DSC3: variants seen among roughly 807,000 people sequenced by gnomAD.
The protein encoded by DSC3 is desmocollin-3.
DSC3 carries 97 observed loss-of-function variants against 89.5 expected under a neutral mutation model. That is an observed-to-expected ratio of 1.08 (90% CI 0.92 to 1.28). DSC3 has a LOEUF of 1.28. DSC3 is among the 50% of genes most tolerant of loss of function. DSC3 has a pLI of 0.00. For missense variants in DSC3, 1,199 were observed against 1,085.3 expected (o/e 1.10, Z -1.47); for synonymous variants, 436 against 384.1 (o/e 1.14, Z -1.58).
At chr18:31,027,827 T>G (rs987808843) in intron 4 of DSC3, among the ~76,000 whole-genome samples, 1 of 152,122 alleles carries the variant, frequency 6.6e-6, no homozygotes. Flanking sequence ...TGAAAACTCT[T>G]TAATAAATGG....
At position 31,042,713 on chromosome 18, in the gene DSC3, C is replaced by A. The variant is rs1401897841; in HGVS notation, c.-53G>T. On this transcript the variant is annotated 5_prime_UTR_variant, in exon 1 of 16. Transcript: ENST00000360428. ...GCGGGCGCCGGGAGGGTGCCGAGAG[C>A]GAGACCTGCCGAGGTGCAGGGCGCG... 5 of 1,497,458 alleles carry A rather than the reference C, an allele frequency of 3.3e-6. No individual in the cohort carries two copies. The highest frequency in any genetic ancestry group is 4.5e-6 in the Non-Finnish European group (5 of 1,106,026). The allele number at this position is 1,497,458 out of a possible 1,614,324, so 92.8% of individuals were successfully genotyped here.
intron 7 of DSC3, among the ~76,000 whole-genome samples, chr18:31,020,074 G>T (rs925243024): frequency 8.5e-5 from 13 of 152,154 alleles, no homozygotes; most frequent in African/African-American, 3.1e-4. Context: ...ACTGAGTTTT[G>T]CTTTGCATAT....
chr18:30,994,549 T>A, intron 15 of DSC3, 177 bp from the exon 16 acceptor site: 1 of 1,403,250 alleles, frequency 7.1e-7, no homozygotes, highest in Non-Finnish European at 9.9e-7. Context: ...TACCATAAAG[T>A]CAGTATAGTT....
Position 31,024,564 on chromosome 18 carries a change from C to A in DSC3, c.631-71G>T. The A allele has an allele frequency of 2.0e-6, 3 of 1,508,952 alleles. No individual in the cohort carries two copies. In the South Asian group the frequency reaches 3.7e-5, roughly 18 times the overall value. The allele number at this position is 1,508,952 out of a possible 1,614,324, so 93.5% of individuals were successfully genotyped here. On this transcript the variant is annotated intron_variant, in intron 5 of 15. Transcript: ENST00000360428. ...AAGACAGAATAAGATGCTTTATCTA[C>A]TACCTGCCTTGCAAATCTTTTCAAT...
At chr18:30,999,225 A>T (rs1984573452) in intron 14 of DSC3, among the ~76,000 whole-genome samples, 1 of 152,040 alleles carries the variant, frequency 6.6e-6, no homozygotes, top group Non-Finnish European at 1.5e-5. Context: ...ATCAATTTAA[A>T]TTTTTTTCTA....
At chr18:31,030,453 C>T (rs1481601268) in intron 3 of DSC3, among the ~76,000 whole-genome samples, 1 of 152,166 alleles carries the variant, frequency 6.6e-6, no homozygotes, top group East Asian at 1.9e-4. Context: ...TGACTACTTT[C>T]ATAATGGCAT....
At chr18:31,031,497 AAC>A (rs557209656) in intron 2 of DSC3, among the ~76,000 whole-genome samples, 206 of 152,326 alleles carry the variant, frequency 1.4e-3, no homozygotes, top group African/African-American at 4.6e-3. Flanking sequence ...ACATGCCCCC[AAC>A]ACACCTGAAT....
intron 1 of DSC3, among the ~76,000 whole-genome samples, chr18:31,038,267 A>G (rs1462814670): frequency 1.3e-5 from 2 of 152,226 alleles, no homozygotes; most frequent in South Asian, 4.1e-4. Context: ...ATTTACATAA[A>G]GTACATTGTT....
At chr18:31,024,076 A>T in intron 6 of DSC3, among the ~76,000 whole-genome samples, 1 of 152,158 alleles carries the variant, frequency 6.6e-6, no homozygotes, top group East Asian at 1.9e-4. Context: ...AATGAAATAA[A>T]ATATATAAAC....
At chr18:31,001,239 T>C (rs1361616053) in intron 14 of DSC3, among the ~76,000 whole-genome samples, 1 of 151,590 alleles carries the variant, frequency 6.6e-6, no homozygotes, top group Non-Finnish European at 1.5e-5. Context: ...GATATTTTCC[T>C]AGCTATCTTG....
At chr18:31,032,589 TGCGTGTGC>T (rs59431301) in intron 1 of DSC3, among the ~76,000 whole-genome samples, 25,566 of 110,592 alleles carry the variant, frequency 0.23, 2,467 homozygotes, top group East Asian at 0.43. Context: ...TGTGTGTGTG[TGCGTGTGC>T]GTGTGCGTGT....
At chr18:31,011,776 T>C (rs935161035) in intron 9 of DSC3, among the ~76,000 whole-genome samples, 1 of 151,872 alleles carries the variant, frequency 6.6e-6, no homozygotes, top group African/African-American at 2.4e-5. Flanking sequence ...GCGGATTGCC[T>C]GAGCTCAGGA....
intron 9 of DSC3, among the ~76,000 whole-genome samples, chr18:31,016,957 T>A (rs539591731): frequency 2.0e-5 from 3 of 152,316 alleles, no homozygotes; most frequent in Admixed American, 1.3e-4. Flanking sequence ...TACATTCCCA[T>A]GTTCAGGTCT....
At position 31,018,104 on chromosome 18, in the gene DSC3, T is replaced by G. The variant is rs200364397; in HGVS notation, c.1230A>C (p.Lys410Asn). The G allele has an allele frequency of 6.2e-7, 1 of 1,612,728 alleles. No individual in the cohort carries two copies. The highest frequency in any genetic ancestry group is 1.3e-5 in the African/African-American group (1 of 75,016). The change falls in exon 9 of 16, where the codon AAA becomes AAC. Residue 410 changes from lysine (K) to asparagine (N), a missense_variant. Physicochemically the swap from Lys to Asn is moderately conservative, Grantham distance 94. Transcript: ENST00000360428. ...ENGHFKISTD[K>N]ETNEGVLSVV... ...CAGAAAGAACACCTTCATTAGTTTC[T>G]TTGTCTGTGCTGATTTTGAAATGTC... is the stretch of plus-strand genomic sequence containing the variant.
At chr18:31,029,225 A>C (rs1249839833) in intron 4 of DSC3, among the ~76,000 whole-genome samples, 1 of 152,130 alleles carries the variant, frequency 6.6e-6, no homozygotes, top group Non-Finnish European at 1.5e-5. Context: ...AAATTTACTT[A>C]TATCTTTAGT....
chr18:31,037,713 A>G (rs927162600), intron 1 of DSC3, among the ~76,000 whole-genome samples: 1 of 152,176 alleles, frequency 6.6e-6, no homozygotes, highest in African/African-American at 2.4e-5. Context: ...ATGCCGGACC[A>G]ACATGGTGAA....
At chr18:30,998,918 A>T (rs1211019796) in intron 14 of DSC3, among the ~76,000 whole-genome samples, 1 of 152,104 alleles carries the variant, frequency 6.6e-6, no homozygotes, top group East Asian at 1.9e-4. Context: ...GGTAAGCAGG[A>T]AGGAGTATTA....
intron 12 of DSC3, among the ~76,000 whole-genome samples, chr18:31,004,975 T>A (rs943903275): frequency 1.3e-5 from 2 of 152,196 alleles, no homozygotes; most frequent in Admixed American, 1.3e-4. Flanking sequence ...TCTATTATTT[T>A]AATGACCATA....
intron 1 of DSC3, among the ~76,000 whole-genome samples, chr18:31,041,554 C>A (rs1183372077): frequency 6.6e-6 from 1 of 152,166 alleles, no homozygotes; most frequent in Admixed American, 6.5e-5. Flanking sequence ...ACTGCCGACG[C>A]GGGTATAGAC....
Sources: gnomAD v4.1 joint callset for allele counts (sites outside exome capture counted in the v4.1 genomes callset) on GRCh38, gnomAD v4.1.1 for gene constraint, MANE v1.5 for transcripts, NCBI Gene and HGNC (gene_info 2026-07-23, HGNC 2026-07-21) for gene names.